Variants in ARFGAP3 observed in about 807,000 individuals in gnomAD.
ARFGAP3 encodes the protein ADP-ribosylation factor GTPase-activating protein 3.
Under a neutral mutation model 75.0 loss-of-function variants are expected in ARFGAP3, and 72 were observed. That is an observed-to-expected ratio of 0.96 (90% confidence interval 0.79 to 1.17). ARFGAP3 has a LOEUF of 1.17. Ranked by LOEUF, ARFGAP3 falls within the 50% of genes most tolerant of loss-of-function variation. ARFGAP3 has a pLI of 0.00. For synonymous variants in ARFGAP3, 221 were observed against 217.9 expected (o/e 1.01, Z -0.13); for missense variants, 620 against 626.6 (o/e 0.99, Z 0.11).
intron 9 of ARFGAP3, among the ~76,000 whole-genome samples, chr22:42,820,147 T>C (rs1463129435): frequency 6.6e-6 from 1 of 152,184 alleles, no homozygotes; most frequent in African/African-American, 2.4e-5. Flanking sequence ...GGCCCGATTT[T>C]ACACACGCTC....
chr22:42,807,211 C>A (rs772457621), intron 13 of ARFGAP3, 48 bp from the exon 14 acceptor site: 2 of 1,553,932 alleles, frequency 1.3e-6, no homozygotes, highest in Non-Finnish European at 1.7e-6. Flanking sequence ...AGATTGTGGG[C>A]AGTTTTGCAA....
intron 1 of ARFGAP3, among the ~76,000 whole-genome samples, chr22:42,851,830 C>T (rs1488207813): frequency 6.6e-6 from 1 of 152,160 alleles, no homozygotes; most frequent in South Asian, 2.1e-4. Context: ...AATTAGTATA[C>T]AAATAATAAT....
At chr22:42,851,656 CTAT>C (rs1348802869) in intron 1 of ARFGAP3, among the ~76,000 whole-genome samples, 1 of 152,176 alleles carries the variant, frequency 6.6e-6, no homozygotes, top group Non-Finnish European at 1.5e-5. Flanking sequence ...GATCCTCCTG[CTAT>C]ACCAGGAGGC....
chr22:42,847,558 GCA>G lies in ARFGAP3; in HGVS notation c.142_143del (p.Cys48LeufsTer38). The G allele has an allele frequency of 6.2e-7, 1 of 1,613,772 alleles. No individual in the cohort carries two copies. On this transcript the variant is annotated frameshift_variant, in exon 2 of 16. Transcript: ENST00000263245. LOFTEE classifies it high-confidence loss of function. ...CACCAAGTGACCGGTGGGACCCTGAGCAATCAATGCAAAGGAACACTCCATAG... is the reference window on the plus strand; with the variant it reads ...CACCAAGTGACCGGTGGGACCCTGAGATCAATGCAAAGGAACACTCCATAG... ...ITYGVFLCID[C>X]SGSHRSLGVH...
rs770521201 is a variant in ARFGAP3, at chr22:42,834,313, T to C, written c.406A>G (p.Ser136Gly). ...RKHGTDLWLD[S>G]CVVPPLSPPP... ...GGGGACAAAGGTGGAACCACACAAC[T>C]ATCAAGCCACAGCTAGAACAAAAAA... Residue 136 changes from serine to glycine, a missense_variant, in exon 5 of 16, where the codon AGT (serine) becomes GGT (glycine). Transcript: ENST00000263245. 14 of 1,613,412 alleles carry C rather than the reference T, an allele frequency of 8.7e-6. No individual in the cohort carries two copies. In the East Asian group the frequency reaches 2.5e-4, roughly 28 times the overall value.
rs183358310 is a variant in ARFGAP3 at position 42,802,371 on chromosome 22, C to G, written c.1412-3211G>C. Among the ~76,000 whole-genome samples, 486 of 151,934 alleles carry G rather than the reference C, an allele frequency of 3.2e-3. 2 individuals are homozygous for G. The highest frequency in any genetic ancestry group is 0.011 in the African/African-American group (468 of 41,406). ...CGCGATCTTAGCTCACTGCAAGCTC[C>G]GCCTCCCAGGTTCACGCCATTCTCC... On this transcript the variant is annotated intron_variant, in intron 14 of 15. Coordinates refer to ENST00000263245, the MANE Select transcript of ARFGAP3 (RefSeq NM_014570.5).
intron 11 of ARFGAP3, among the ~76,000 whole-genome samples, chr22:42,816,901 C>G (rs1214610570): frequency 6.6e-6 from 1 of 152,178 alleles, no homozygotes; most frequent in Non-Finnish European, 1.5e-5. Flanking sequence ...TCTCTCCTAC[C>G]TCTAATTTTA....
intron 11 of ARFGAP3, among the ~76,000 whole-genome samples, chr22:42,814,506 C>A (rs551635421): frequency 6.6e-6 from 1 of 152,186 alleles, no homozygotes; most frequent in Non-Finnish European, 1.5e-5. Context: ...AGGTTTCAAA[C>A]CATAAGTAAC....
rs1473374372 is a variant in ARFGAP3 at position 42,796,858 on chromosome 22, T to A, written c.*730A>T. On this transcript the variant is annotated 3_prime_UTR_variant, in exon 16 of 16. Coordinates refer to ENST00000263245, the MANE Select transcript of ARFGAP3 (RefSeq NM_014570.5). ...TCCACTTTAACTCTGTATACCGTAT[T>A]GATTTGTGATGAGATGATTTATTAT... The A allele has an allele frequency of 4.6e-5, 7 of 152,222 alleles. No homozygotes were observed. Among genetic ancestry groups the A allele is most frequent in the African/African-American group, 1.7e-4 (7 of 41,448 alleles). 9.4% of individuals were successfully genotyped at this position (152,222 alleles called of 1,614,324 possible).
intron 14 of ARFGAP3, among the ~76,000 whole-genome samples, chr22:42,806,442 G>T (rs888854949): frequency 6.6e-6 from 1 of 152,256 alleles, no homozygotes; most frequent in African/African-American, 2.4e-5. Context: ...CCTCGCTGGG[G>T]TCTGAACCCT....
intron 5 of ARFGAP3, among the ~76,000 whole-genome samples, chr22:42,833,254 G>A (rs1926375691): frequency 6.6e-6 from 1 of 152,110 alleles, no homozygotes; most frequent in African/African-American, 2.4e-5. Flanking sequence ...TACATAAACA[G>A]CAAAACTGGG....
At chr22:42,817,707 C>G (rs920950181) in intron 10 of ARFGAP3, 22 bp downstream of exon 10, 1 of 1,570,072 alleles carries the variant, frequency 6.4e-7, no homozygotes. Flanking sequence ...AATTCTAACT[C>G]CAAGAAAGCA....
intron 2 of ARFGAP3, among the ~76,000 whole-genome samples, chr22:42,841,676 G>T (rs923101325): frequency 6.6e-5 from 10 of 151,940 alleles, no homozygotes; most frequent in Non-Finnish European, 1.5e-4. Context: ...TGAATCCACA[G>T]AAATGAGCAA....
intron 14 of ARFGAP3, among the ~76,000 whole-genome samples, chr22:42,804,796 G>T (rs1925047238): frequency 6.6e-6 from 1 of 152,100 alleles, no homozygotes; most frequent in African/African-American, 2.4e-5. Context: ...GATTACAGGT[G>T]TGAGTCACCG....
At chr22:42,814,301 T>A (rs919106612) in intron 11 of ARFGAP3, among the ~76,000 whole-genome samples, 2 of 152,276 alleles carry the variant, frequency 1.3e-5, no homozygotes, top group African/African-American at 4.8e-5. Flanking sequence ...TCAGAGTCCA[T>A]GTTTATTTTA....
chr22:42,852,227 ATT>A (rs58166507), intron 1 of ARFGAP3, among the ~76,000 whole-genome samples: 1 of 149,702 alleles, frequency 6.7e-6, no homozygotes, highest in Non-Finnish European at 1.5e-5. Flanking sequence ...GCTAATTTTA[ATT>A]TTTTTTTTTG....
chr22:42,819,744 C>G (rs1925731183), intron 9 of ARFGAP3, among the ~76,000 whole-genome samples: 1 of 152,198 alleles, frequency 6.6e-6, no homozygotes, highest in Non-Finnish European at 1.5e-5. Context: ...ACTGTTCTGA[C>G]AGTTTACTGA....
chr22:42,837,389 G>A (rs1926564274), intron 3 of ARFGAP3, among the ~76,000 whole-genome samples: 2 of 152,128 alleles, frequency 1.3e-5, no homozygotes, highest in South Asian at 4.1e-4. Flanking sequence ...GGGTGGCAGA[G>A]GTAGGCAGAT....
intron 3 of ARFGAP3, among the ~76,000 whole-genome samples, chr22:42,839,155 G>T (rs1209548063): frequency 6.6e-6 from 1 of 150,656 alleles, no homozygotes; most frequent in Non-Finnish European, 1.5e-5. Flanking sequence ...CCTTACTTAG[G>T]TTTGTAAATG....
Sources: gnomAD v4.1 joint callset for allele counts (sites outside exome capture counted in the v4.1 genomes callset) on GRCh38, gnomAD v4.1.1 for gene constraint, MANE v1.5 for transcripts, NCBI Gene and HGNC (gene_info 2026-07-23, HGNC 2026-07-21) for gene names.